Variants in MFAP3L observed in about 807,000 individuals in gnomAD.
The protein encoded by MFAP3L is microfibrillar-associated protein 3-like.
A neutral mutation model predicts 20.0 loss-of-function variants in MFAP3L; 5 were observed. The ratio of observed to expected loss-of-function variants is 0.25; its 90% confidence interval spans 0.13 to 0.53. MFAP3L has a LOEUF of 0.53. Ranked by LOEUF, MFAP3L falls within the 20% of genes least tolerant of loss-of-function variation. The pLI is 0.96. For synonymous variants in MFAP3L, 219 were observed against 213.0 expected, an observed-to-expected ratio of 1.03 and a Z score of -0.25; for missense variants, 409 against 527.5, an observed-to-expected ratio of 0.78 and a Z score of 2.20.
intron 1 of MFAP3L, among the ~76,000 whole-genome samples, chr4:170,010,700 G>A (rs971962129): frequency 1.3e-5 from 2 of 152,038 alleles, no homozygotes; most frequent in African/African-American, 4.8e-5. Flanking sequence ...TACAAAATAT[G>A]TGTTAATGAG....
chr4:170,022,085 T>C (rs1381420788), intron 1 of MFAP3L, among the ~76,000 whole-genome samples: 1 of 152,256 alleles, frequency 6.6e-6, no homozygotes, highest in Non-Finnish European at 1.5e-5. Flanking sequence ...CTGATTACTG[T>C]TAGAGGACAA....
rs372890249 is a variant in MFAP3L at position 170,007,878 on chromosome 4, G to A, written c.-133-1868C>T. On this transcript the variant is annotated intron_variant, in intron 1 of 2. Transcript: ENST00000361618. ...GAATCAGAGACAAGGCAGGTTGGGA[G>A]ATGGGTTCTAATAAATATGGGTGGT... Among the ~76,000 whole-genome samples, 57 of 152,290 alleles carry A rather than the reference G, an allele frequency of 3.7e-4. No individual in the cohort carries two copies. The East Asian group carries it at 7.2e-3, about 19-fold the overall frequency.
In MFAP3L at chr4:169,987,399, C is replaced by T. The variant is rs760376735; in HGVS notation, c.*3979G>A. 10 of 152,026 alleles carry T rather than the reference C, an allele frequency of 6.6e-5. No homozygotes were observed. The highest frequency in any genetic ancestry group is 6.6e-5 in the Admixed American group (1 of 15,260). 9.4% of individuals were successfully genotyped at this position (152,026 alleles called of 1,614,324 possible). ...CAATGCCAAAAGGGTACGTGAAGAG[C>T]GGTAAAGGAAAGTATCTGAACAATG... On this transcript the variant is annotated 3_prime_UTR_variant, in exon 3 of 3. Transcript: ENST00000361618.
chr4:170,011,940 G>A (rs528051192), intron 1 of MFAP3L, among the ~76,000 whole-genome samples: 1 of 152,308 alleles, frequency 6.6e-6, no homozygotes, highest in Non-Finnish European at 1.5e-5. Context: ...AGAGAACCTG[G>A]GGAAATGTCT....
chr4:169,996,513 G>C (rs1426111841), intron 2 of MFAP3L, among the ~76,000 whole-genome samples: 1 of 152,110 alleles, frequency 6.6e-6, no homozygotes, highest in Non-Finnish European at 1.5e-5. Flanking sequence ...GGGAGGGACT[G>C]AAGGGGACAG....
At chr4:170,004,623 T>C (rs547232751) in intron 2 of MFAP3L, among the ~76,000 whole-genome samples, 16 of 152,292 alleles carry the variant, frequency 1.1e-4, no homozygotes, top group African/African-American at 3.8e-4. Flanking sequence ...AGCATTAGCC[T>C]CTATTCTTTT....
chr4:169,998,962 T>C (rs1474664660), intron 2 of MFAP3L, among the ~76,000 whole-genome samples: 2 of 152,254 alleles, frequency 1.3e-5, no homozygotes, highest in Non-Finnish European at 2.9e-5. Flanking sequence ...AATGCGTGCA[T>C]ATGTGTTTGT....
chr4:170,003,217 T>TA (rs1273930629), intron 2 of MFAP3L, among the ~76,000 whole-genome samples: 1 of 152,224 alleles, frequency 6.6e-6, no homozygotes, highest in Non-Finnish European at 1.5e-5. Context: ...TAAAGAGATT[T>TA]AAAATAGCTA....
intron 1 of MFAP3L, among the ~76,000 whole-genome samples, chr4:170,012,287 T>C (rs1345144847): frequency 6.6e-6 from 1 of 152,236 alleles, no homozygotes; most frequent in Non-Finnish European, 1.5e-5. Flanking sequence ...AATGACTATC[T>C]GATAGCAGGT....
At chr4:169,994,744 G>A (rs902931523) in intron 2 of MFAP3L, among the ~76,000 whole-genome samples, 1 of 152,212 alleles carries the variant, frequency 6.6e-6, no homozygotes. Flanking sequence ...GGGGAAATCT[G>A]TGAGATGTCT....
At chr4:170,016,648 G>A (rs989304574) in intron 1 of MFAP3L, among the ~76,000 whole-genome samples, 2 of 152,228 alleles carry the variant, frequency 1.3e-5, no homozygotes, top group Non-Finnish European at 2.9e-5. Context: ...CCACTGTTCA[G>A]AAACACACTT....
chr4:170,005,915 T>C lies in MFAP3L; in HGVS notation c.-38A>G. Reference sequence around the variant, plus strand: ...CTCTGTAAGGCAATAGAGAGATGGTTTGCCAACCGAATCTTCTATCAGACA... The same window carrying C: ...CTCTGTAAGGCAATAGAGAGATGGTCTGCCAACCGAATCTTCTATCAGACA... On this transcript the variant is annotated 5_prime_UTR_variant, in exon 2 of 3. Transcript: ENST00000361618. 2.5e-6 allele frequency: 4 copies of C among 1,590,016 alleles called. No homozygotes were observed. Among genetic ancestry groups the C allele is most frequent in the Non-Finnish European group, 2.6e-6 (3 of 1,165,500 alleles).
At position 169,991,062 on chromosome 4, in the gene MFAP3L, T is replaced by TA; in HGVS notation, c.*315dup. The stretch of plus-strand genomic sequence containing the variant: ...CAGGGTTCTTGAACTCAGAATATCT[T>TA]ACAGTGGTGTACTCTTTGCCAAGAA... On this transcript the variant is annotated 3_prime_UTR_variant, in exon 3 of 3. Coordinates refer to ENST00000361618, the MANE Select transcript of MFAP3L (RefSeq NM_021647.8). The surrounding 1 kb of genome is among the most constrained non-coding windows in gnomAD (Gnocchi z 4.9). 1 of 349,498 alleles carries TA rather than the reference T, an allele frequency of 2.9e-6. No homozygotes were observed. Among genetic ancestry groups the TA allele is most frequent in the Non-Finnish European group, 5.2e-6 (1 of 192,744 alleles). 21.6% of individuals were successfully genotyped at this position (349,498 alleles called of 1,614,324 possible). A position where few individuals can be genotyped will look rare whatever the true frequency, so the allele number is the denominator to read the frequency against.
At position 169,987,663 on chromosome 4, in the gene MFAP3L, C is replaced by T. The variant is rs145510551; in HGVS notation, c.*3715G>A. 10 of 152,224 alleles carry T rather than the reference C, an allele frequency of 6.6e-5. No homozygotes were observed. Among genetic ancestry groups the T allele is most frequent in the East Asian group, 3.9e-4 (2 of 5,178 alleles). The allele number at this position is 152,224 out of a possible 1,614,324, so 9.4% of individuals were successfully genotyped here. On this transcript the variant is annotated 3_prime_UTR_variant, in exon 3 of 3. Coordinates refer to ENST00000361618, the MANE Select transcript of MFAP3L (RefSeq NM_021647.8). ...GTCAAGTTAATTTGTGTTGGCTGCA[C>T]GGGGCTTAGAGCATGCTGTTCCAAA... is the stretch of plus-strand genomic sequence containing the variant.
At chr4:170,011,022 G>C (rs1739349080) in intron 1 of MFAP3L, among the ~76,000 whole-genome samples, 1 of 152,104 alleles carries the variant, frequency 6.6e-6, no homozygotes, top group South Asian at 2.1e-4. Context: ...TATTGTTCTT[G>C]TGGTAGTAAG....
chr4:170,005,980 G>A lies in MFAP3L; in HGVS notation c.-103C>T. 1 of 1,470,626 alleles carries A rather than the reference G, an allele frequency of 6.8e-7. No individual in the cohort carries two copies. The highest frequency in any genetic ancestry group is 9.0e-7 in the Non-Finnish European group (1 of 1,111,956). 91.1% of individuals were successfully genotyped at this position (1,470,626 alleles called of 1,614,324 possible). ...GCAGGTCATGGGACAAACCTGTCCT[G>A]GGTCCATAGAGTTGGTACTTGAGCA... On this transcript the variant is annotated 5_prime_UTR_variant, in exon 2 of 3. Coordinates refer to ENST00000361618, the MANE Select transcript of MFAP3L (RefSeq NM_021647.8).
chr4:170,022,784 G>C (rs531241556), intron 1 of MFAP3L, among the ~76,000 whole-genome samples: 1 of 152,056 alleles, frequency 6.6e-6, no homozygotes, highest in African/African-American at 2.4e-5. Flanking sequence ...ACAAGGAATG[G>C]GGGTGGCCTC....
In MFAP3L at chr4:169,987,824, A is replaced by G. The variant is rs923140060; in HGVS notation, c.*3554T>C. On this transcript the variant is annotated 3_prime_UTR_variant, in exon 3 of 3. Coordinates refer to ENST00000361618, the MANE Select transcript of MFAP3L (RefSeq NM_021647.8). ...CCATTAAAATAATTTACATAGCCAT[A>G]GGTAAATTCATCCAGTCTTTCCATC... is the stretch of plus-strand genomic sequence containing the variant. 1 of 152,226 alleles carries G rather than the reference A, an allele frequency of 6.6e-6. No homozygotes were observed. The highest frequency in any genetic ancestry group is 1.9e-4 in the East Asian group (1 of 5,204). 9.4% of individuals were successfully genotyped at this position (152,226 alleles called of 1,614,324 possible).
At chr4:170,005,474 T>G in intron 2 of MFAP3L, 106 bp downstream of exon 2, 54 of 1,242,018 alleles carry the variant, frequency 4.3e-5, no homozygotes, top group South Asian at 5.7e-5. Flanking sequence ...CAAGACAAGA[T>G]GAGATCTTTA....
Sources: allele counts gnomAD v4.1 joint callset (sites outside exome capture counted in the v4.1 genomes callset), GRCh38; gene constraint gnomAD v4.1.1; non-coding constraint Gnocchi (gnomAD v3.1); transcripts MANE v1.5; gene names NCBI Gene and HGNC (gene_info 2026-07-23, HGNC 2026-07-21).